SGSM3: variants seen among roughly 807,000 people sequenced by gnomAD.
SGSM3 encodes small G protein signaling modulator 3.
A neutral mutation model predicts 100.5 loss-of-function variants in SGSM3; 96 were observed. The ratio of observed to expected loss-of-function variants is 0.96; its 90% CI spans 0.81 to 1.13. The LOEUF is 1.13. Among genes scored for constraint, SGSM3 ranks in the 50% most tolerant of loss-of-function variants. The probability of loss-of-function intolerance (pLI) is 0.00; values close to 1 mark genes in which losing one functional copy is unlikely to be tolerated. For missense variants in SGSM3, 1,001 were observed against 1,015.8 expected (o/e 0.99, Z 0.20); for synonymous variants, 483 against 422.8 (o/e 1.14, Z -1.75).
chr22:40,407,495 G>C lies in SGSM3; in HGVS notation c.1451G>C (p.Arg484Pro), dbSNP rs373835375. 6.2e-7 allele frequency: 1 copy of C among 1,611,002 alleles called. No homozygotes were observed. Among genetic ancestry groups the C allele is most frequent in the Non-Finnish European group, 8.5e-7 (1 of 1,179,984 alleles). Residue 484 changes from arginine to proline, a missense_variant, in exon 13 of 22, where the codon CGA becomes CCA. Coordinates refer to ENST00000248929, the MANE Select transcript of SGSM3 (RefSeq NM_015705.6). The surrounding 1 kb of genome is among the most constrained non-coding windows in gnomAD (Gnocchi z 4.7). ...GCGTGCTCACGCAGCCACCGGCGCC[G>C]AGCCAAGGCCCTGCTGGACTTTGAG... The part of the protein sequence containing the change: ...YVACSRSHRR[R>P]AKALLDFERH...
chr22:40,391,103 A>C (rs777512887), intron 1 of SGSM3, among the ~76,000 whole-genome samples: 1 of 152,232 alleles, frequency 6.6e-6, no homozygotes, highest in Non-Finnish European at 1.5e-5. Context: ...GCCACATCTG[A>C]GCTAGAATTT....
At position 40,410,131 on chromosome 22, in the gene SGSM3, G is replaced by A. The variant is rs1164365597; in HGVS notation, c.*372G>A. On this transcript the variant is annotated 3_prime_UTR_variant, in exon 22 of 22. Coordinates refer to ENST00000248929, the MANE Select transcript of SGSM3 (RefSeq NM_015705.6). ...AAAGCACCTACCTGTCTTCTGTGCA[G>A]CTAGGGCTGCAGAGCTGTATTCAGG... 1 of 1,135,434 alleles carries A rather than the reference G, an allele frequency of 8.8e-7. No individual in the cohort carries two copies. The highest frequency in any genetic ancestry group is 1.1e-6 in the Non-Finnish European group (1 of 925,680). 70.3% of individuals were successfully genotyped at this position (1,135,434 alleles called of 1,614,324 possible).
chr22:40,409,884 C>A lies in SGSM3; in HGVS notation c.*125C>A. ...GCCGCGGGATATCAATATCAGGCTG[C>A]CCCACTCCACGTTCCCCAGCACATC... On this transcript the variant is annotated 3_prime_UTR_variant, in exon 22 of 22. Transcript: ENST00000248929. The A allele has an allele frequency of 1.4e-6, 2 of 1,436,376 alleles. No individual in the cohort carries two copies. The highest frequency in any genetic ancestry group is 1.8e-6 in the Non-Finnish European group (2 of 1,101,418). The allele number at this position is 1,436,376 out of a possible 1,614,324, so 89.0% of individuals were successfully genotyped here. A position where few individuals can be genotyped will look rare whatever the true frequency, so the allele number is the denominator to read the frequency against.
At chr22:40,408,192 G>T (rs1327379810) in intron 15 of SGSM3, 72 bp downstream of exon 15, 1 of 1,607,814 alleles carries the variant, frequency 6.2e-7, no homozygotes, top group Admixed American at 1.7e-5. Flanking sequence ...GCGAGTCCTG[G>T]CCTGTAGCAT....
chr22:40,375,504 T>C (rs2046394945), intron 1 of SGSM3, among the ~76,000 whole-genome samples: 1 of 151,102 alleles, frequency 6.6e-6, no homozygotes, highest in Non-Finnish European at 1.5e-5. Context: ...CACTTGAACC[T>C]GGGAGGCATA....
At chr22:40,373,533 C>T (rs983916775) in intron 1 of SGSM3, 14 of 152,196 alleles carry the variant, frequency 9.2e-5, no homozygotes, top group African/African-American at 3.4e-4. Context: ...ATCTTGCCCT[C>T]AGGTAGTTTA....
At chr22:40,402,920 T>C (rs1337541211) in intron 4 of SGSM3, among the ~76,000 whole-genome samples, 2 of 152,214 alleles carry the variant, frequency 1.3e-5, no homozygotes, top group East Asian at 3.8e-4. Context: ...GCCAGAACTG[T>C]GGCTAGGACA....
intron 19 of SGSM3, 44 bp downstream of exon 19, chr22:40,409,062 G>C: frequency 6.4e-7 from 1 of 1,552,984 alleles, no homozygotes; most frequent in Non-Finnish European, 8.7e-7. Flanking sequence ...GGAGTGGGGG[G>C]ACCCAGCCCA....
At chr22:40,382,405 A>G (rs903940168) in intron 1 of SGSM3, among the ~76,000 whole-genome samples, 1 of 152,022 alleles carries the variant, frequency 6.6e-6, no homozygotes. Flanking sequence ...AGTCATGTCT[A>G]AAGTTTCCTT....
intron 1 of SGSM3, chr22:40,372,578 C>G (rs2045792728): frequency 6.6e-6 from 1 of 152,158 alleles, no homozygotes; most frequent in Non-Finnish European, 1.5e-5. Context: ...AAAACGCATA[C>G]CTCGTGAATT....
In SGSM3 at chr22:40,400,617, TGAGGTGACCAAGCGA is replaced by T. The variant is rs1340679110; in HGVS notation, c.-111-76_-111-62del. The stretch of plus-strand genomic sequence containing the variant: ...GAGATTGCACCACTGCACTCCAGCC[TGAGGTGACCAAGCGA>T]GACTCTGTCTAAAAAAAAATAAAAA... On this transcript the variant is annotated intron_variant, in intron 1 of 21. Coordinates refer to ENST00000248929, the MANE Select transcript of SGSM3 (RefSeq NM_015705.6). 3 of 533,390 alleles carry T rather than the reference TGAGGTGACCAAGCGA, an allele frequency of 5.6e-6. No homozygotes were observed. In the African/African-American group the frequency reaches 5.9e-5, roughly 11 times the overall value. The allele number at this position is 533,390 out of a possible 1,614,324, so 33.0% of individuals were successfully genotyped here.
intron 8 of SGSM3, 81 bp downstream of exon 8, chr22:40,405,925 C>T (rs1284990170): frequency 2.7e-6 from 4 of 1,484,126 alleles, no homozygotes; most frequent in African/African-American, 2.8e-5. Context: ...TAGGGCACAG[C>T]CCCCCAACCA....
At chr22:40,402,555 C>T (rs2050893714) in intron 4 of SGSM3, among the ~76,000 whole-genome samples, 2 of 152,164 alleles carry the variant, frequency 1.3e-5, no homozygotes, top group Admixed American at 6.5e-5. Flanking sequence ...ACCTAGCTAA[C>T]ATGGTGAAAC....
intron 1 of SGSM3, among the ~76,000 whole-genome samples, chr22:40,393,711 G>A (rs1344522262): frequency 6.6e-6 from 1 of 152,136 alleles, no homozygotes; most frequent in Non-Finnish European, 1.5e-5. Context: ...TCACAGTTTG[G>A]GAGGCTCGGA....
intron 1 of SGSM3, among the ~76,000 whole-genome samples, chr22:40,397,968 C>CTTTTTTTTT (rs1157147821): frequency 4.3e-5 from 5 of 116,436 alleles, no homozygotes; most frequent in Non-Finnish European, 5.1e-5. Flanking sequence ...CCAATTCTGT[C>CTTTTTTTTT]TTTTTTTTTT....
At chr22:40,394,188 C>G (rs181451950) in intron 1 of SGSM3, among the ~76,000 whole-genome samples, 61 of 152,330 alleles carry the variant, frequency 4.0e-4, no homozygotes, top group Non-Finnish European at 7.9e-4. Flanking sequence ...TCTGTGAACT[C>G]CGTGCTTGTA....
Position 40,409,711 on chromosome 22 carries a change from G to T in SGSM3, c.2202G>T (p.Arg734=). 6.2e-7 allele frequency: 1 copy of T among 1,612,696 alleles called. No homozygotes were observed. Among genetic ancestry groups the T allele is most frequent in the South Asian group, 1.1e-5 (1 of 91,060 alleles). ...EAQQPLKEGV[R]DMLVKHHLFS... ...AGCAGCCCCTGAAGGAGGGCGTCCG[G>T]GACATGCTGGTGAAGCACCACCTCT... is the stretch of plus-strand genomic sequence containing the variant. Residue 734 remains arginine, a synonymous_variant, in exon 22 of 22, where the codon CGG becomes CGT. Transcript: ENST00000248929.
At chr22:40,403,852 T>C (rs1041054050) in intron 4 of SGSM3, among the ~76,000 whole-genome samples, 21 of 152,090 alleles carry the variant, frequency 1.4e-4, no homozygotes, top group Non-Finnish European at 2.6e-4. Context: ...GACCATGGCT[T>C]GGACAAGGGC....
chr22:40,410,034 G>C lies in SGSM3; in HGVS notation c.*275G>C. On this transcript the variant is annotated 3_prime_UTR_variant, in exon 22 of 22. Transcript: ENST00000248929. ...GGAGCCATGTCTGTGCTCAGGAAGA[G>C]GGAAGGGGATGGGGGTGGCTAGTAG... 4 of 1,316,312 alleles carry C rather than the reference G, an allele frequency of 3.0e-6. No individual in the cohort carries two copies. Among genetic ancestry groups the C allele is most frequent in the Non-Finnish European group, 1.9e-6 (2 of 1,037,210 alleles). 81.5% of individuals were successfully genotyped at this position (1,316,312 alleles called of 1,614,324 possible). A position where few individuals can be genotyped will look rare whatever the true frequency, so the allele number is the denominator to read the frequency against.
Sources: gnomAD v4.1 joint callset for allele counts (sites outside exome capture counted in the v4.1 genomes callset) on GRCh38, gnomAD v4.1.1 for gene constraint, Gnocchi (gnomAD v3.1) non-coding constraint, MANE v1.5 for transcripts, NCBI Gene and HGNC (gene_info 2026-07-23, HGNC 2026-07-21) for gene names.